Variants in CNTNAP3B observed in about 807,000 individuals in gnomAD.
CNTNAP3B encodes contactin-associated protein-like 3B.
CNTNAP3B carries 25 observed loss-of-function variants against 108.9 expected under a neutral mutation model. That is an observed-to-expected ratio of 0.23 (90% CI 0.17 to 0.32). The LOEUF is 0.32. Ranked by LOEUF, CNTNAP3B falls within the 10% of genes least tolerant of loss-of-function variation. The probability of loss-of-function intolerance (pLI) is 1.00; values close to 1 mark genes in which losing one functional copy is unlikely to be tolerated. For synonymous variants in CNTNAP3B, 103 were observed against 473.4 expected (o/e 0.22, Z 10.16); for missense variants, 252 against 1,210.4 (o/e 0.21, Z 11.75).
intron 6 of CNTNAP3B, among the ~76,000 whole-genome samples, chr9:41,997,122 A>G (rs1192107530): frequency 6.9e-6 from 1 of 144,938 alleles, no homozygotes; most frequent in Non-Finnish European, 1.5e-5. Flanking sequence ...CTTTCTTGTT[A>G]TTTAATAAAT....
At chr9:42,090,105 G>C (rs1170485770) in intron 2 of CNTNAP3B, among the ~76,000 whole-genome samples, 3 of 136,840 alleles carry the variant, frequency 2.2e-5, no homozygotes, top group Non-Finnish European at 1.6e-5. Flanking sequence ...ATTAACGAAG[G>C]AGAATATGTA....
At chr9:42,109,470 C>T (rs1361452432) in intron 1 of CNTNAP3B, among the ~76,000 whole-genome samples, 1 of 147,516 alleles carries the variant, frequency 6.8e-6, no homozygotes, top group Non-Finnish European at 1.5e-5. Context: ...ATGGATAATA[C>T]ATGGACAGAT....
rs139921742 is a variant in CNTNAP3B, at chr9:42,097,130, C to G, written c.196+7499G>C. On this transcript the variant is annotated intron_variant, in intron 2 of 23. Transcript: ENST00000377561. ...ATCCAATATCTGCTTCTCTTTCACT[C>G]ATAAAATTCACCAAGTTCACATTGG... is the stretch of plus-strand genomic sequence containing the variant. Among the ~76,000 whole-genome samples, 531 of 139,960 alleles carry G rather than the reference C, an allele frequency of 3.8e-3. 129 individuals are homozygous for G. The highest frequency in any genetic ancestry group is 0.015 in the African/African-American group (515 of 35,386). The allele number at this position is 139,960 out of a possible 152,430, so 91.8% of individuals were successfully genotyped here. A position where few individuals can be genotyped will look rare whatever the true frequency, so the allele number is the denominator to read the frequency against.
intron 1 of CNTNAP3B, among the ~76,000 whole-genome samples, chr9:42,112,028 C>T (rs1341026598): frequency 7.2e-6 from 1 of 139,324 alleles, no homozygotes; most frequent in East Asian, 2.2e-4. Flanking sequence ...CATTCAATTC[C>T]TTCCATCACC....
At chr9:41,934,208 C>CACATATATATATACAT (rs1461653662) in intron 14 of CNTNAP3B, among the ~76,000 whole-genome samples, 27 of 141,306 alleles carry the variant, frequency 1.9e-4, no homozygotes, top group East Asian at 2.1e-4. Context: ...TACATACACA[C>CACATATATATATACAT]ACACACATAC....
intron 3 of CNTNAP3B, among the ~76,000 whole-genome samples, chr9:42,045,988 G>A (rs1281093331): frequency 8.7e-6 from 1 of 114,762 alleles, no homozygotes; most frequent in Non-Finnish European, 1.8e-5. Context: ...GAGTCCTGCA[G>A]CTGCAGGACA....
At chr9:42,115,507 G>C (rs1353721739) in intron 1 of CNTNAP3B, among the ~76,000 whole-genome samples, 1 of 139,442 alleles carries the variant, frequency 7.2e-6, no homozygotes, top group East Asian at 2.2e-4. Context: ...GCCCCTCTGA[G>C]ACGAAGCTTC....
intron 4 of CNTNAP3B, among the ~76,000 whole-genome samples, chr9:42,003,702 G>C (rs1826046421): frequency 7.3e-6 from 1 of 136,732 alleles, no homozygotes; most frequent in Non-Finnish European, 1.6e-5. Flanking sequence ...GGCTCACACT[G>C]TAATCCTAGC....
At chr9:41,965,738 G>C (rs1825250349) in intron 10 of CNTNAP3B, among the ~76,000 whole-genome samples, 2 of 152,276 alleles carry the variant, frequency 1.3e-5, no homozygotes, top group South Asian at 2.1e-4. Context: ...GAGGGGCTGG[G>C]AGGTTGTGAC....
intron 11 of CNTNAP3B, among the ~76,000 whole-genome samples, chr9:41,963,508 A>G (rs1439211273): frequency 6.7e-6 from 1 of 150,156 alleles, no homozygotes; most frequent in Non-Finnish European, 1.5e-5. Flanking sequence ...GATTTTTAAT[A>G]TGGCAGAGGC....
chr9:42,000,432 CCTTATA>C (rs1253936608), intron 4 of CNTNAP3B, among the ~76,000 whole-genome samples: 2 of 84,876 alleles, frequency 2.4e-5, no homozygotes, highest in Non-Finnish European at 4.5e-5. Context: ...TTAGCACTTC[CCTTATA>C]CTTATAATCA....
At position 42,095,875 on chromosome 9, in the gene CNTNAP3B, G is replaced by T. The variant is rs1378582956; in HGVS notation, c.196+8754C>A. Among the ~76,000 whole-genome samples the T allele has an allele frequency of 9.4e-5, 13 of 137,654 alleles. 2 individuals are homozygous for T. Among genetic ancestry groups the T allele is most frequent in the Non-Finnish European group, 1.7e-4 (11 of 64,526 alleles). The allele number at this position is 137,654 out of a possible 152,430, so 90.3% of individuals were successfully genotyped here. On this transcript the variant is annotated intron_variant, in intron 2 of 23. Transcript: ENST00000377561. The stretch of plus-strand genomic sequence containing the variant: ...AAAGCGGGGAGGGGAGTGTGTTCAA[G>T]CCCCAAGTAGAGGTCAGCACTGCAC...
At chr9:41,964,943 A>G (rs1290361824) in intron 10 of CNTNAP3B, among the ~76,000 whole-genome samples, 1 of 152,236 alleles carries the variant, frequency 6.6e-6, no homozygotes, top group Non-Finnish European at 1.5e-5. Context: ...AATTACACAC[A>G]TAAAACTATG....
At chr9:42,047,266 C>T (rs935708982) in intron 3 of CNTNAP3B, among the ~76,000 whole-genome samples, 2 of 108,250 alleles carry the variant, frequency 1.8e-5, no homozygotes, top group African/African-American at 8.0e-5. Flanking sequence ...AATCAGACTT[C>T]TCCGTATTAT....
intron 10 of CNTNAP3B, among the ~76,000 whole-genome samples, chr9:41,965,013 G>T (rs1300624136): frequency 6.6e-6 from 1 of 152,274 alleles, no homozygotes; most frequent in Non-Finnish European, 1.5e-5. Context: ...AGGGGAAACA[G>T]GGAGGAAGAT....
At chr9:42,109,532 C>G (rs1828147431) in intron 1 of CNTNAP3B, among the ~76,000 whole-genome samples, 1 of 147,302 alleles carries the variant, frequency 6.8e-6, no homozygotes, top group Non-Finnish European at 1.5e-5. Context: ...GGGGCGACAA[C>G]TGATCCTTTG....
chr9:42,122,490 A>C (rs2605839), intron 1 of CNTNAP3B, among the ~76,000 whole-genome samples: 95,155 of 120,528 alleles, frequency 0.79, 41,486 homozygotes, highest in East Asian at 0.87. Flanking sequence ...GTGGACTTTT[A>C]TCCTGGTGTT....
At chr9:41,953,503 TG>T (rs1245481715) in intron 12 of CNTNAP3B, 117 bp from the exon 13 acceptor site, 1 of 1,240,534 alleles carries the variant, frequency 8.1e-7, no homozygotes, top group East Asian at 2.6e-5. Context: ...ACTGCATGTT[TG>T]CCGCGATTTG....
chr9:42,124,800 G>C (rs1828533210), intron 1 of CNTNAP3B, among the ~76,000 whole-genome samples: 2 of 131,244 alleles, frequency 1.5e-5, no homozygotes, highest in African/African-American at 6.2e-5. Context: ...TTACATCTTT[G>C]TCATTCAGAA....
Sources: allele counts gnomAD v4.1 joint callset (sites outside exome capture counted in the v4.1 genomes callset), GRCh38; gene constraint gnomAD v4.1.1; transcripts MANE v1.5; gene names NCBI Gene and HGNC (gene_info 2026-07-23, HGNC 2026-07-21).